AGBL4: variants seen among roughly 807,000 people sequenced by gnomAD.
AGBL4 encodes the protein cytosolic carboxypeptidase 6.
Under a neutral mutation model 66.4 loss-of-function variants are expected in AGBL4, and 58 were observed. The ratio of observed to expected loss-of-function variants is 0.87; its 90% CI spans 0.71 to 1.09. AGBL4 has a LOEUF of 1.09. Ranked by LOEUF, AGBL4 falls within the 50% of genes least tolerant of loss-of-function variation. AGBL4 has a pLI of 0.00. For synonymous variants in AGBL4, 234 were observed against 222.9 expected, an observed-to-expected ratio of 1.05 and a Z score of -0.44; for missense variants, 579 against 631.0, an observed-to-expected ratio of 0.92 and a Z score of 0.88.
At chr1:49,921,853 C>T (rs1652289886) in intron 1 of AGBL4, among the ~76,000 whole-genome samples, 1 of 152,164 alleles carries the variant, frequency 6.6e-6, no homozygotes, top group Admixed American at 6.5e-5. Context: ...TGCCCACCCA[C>T]AGTGAGGGTG....
At chr1:49,025,432 C>T (rs1455337576) in intron 5 of AGBL4, among the ~76,000 whole-genome samples, 1 of 152,090 alleles carries the variant, frequency 6.6e-6, no homozygotes, top group Non-Finnish European at 1.5e-5. Flanking sequence ...CAGGATGTTC[C>T]AGTGTATTTG....
chr1:49,221,492 A>C (rs1649493134), intron 4 of AGBL4, among the ~76,000 whole-genome samples: 1 of 152,156 alleles, frequency 6.6e-6, no homozygotes, highest in East Asian at 1.9e-4. Flanking sequence ...AAATTTCTTC[A>C]AAAGATAAAA....
chr1:48,963,275 A>G (rs1321962910), intron 5 of AGBL4, among the ~76,000 whole-genome samples: 1 of 151,984 alleles, frequency 6.6e-6, no homozygotes, highest in Non-Finnish European at 1.5e-5. Context: ...TAATCTGTGC[A>G]TAACCTAATC....
At chr1:48,958,096 G>C (rs1334289121) in intron 5 of AGBL4, among the ~76,000 whole-genome samples, 1 of 151,908 alleles carries the variant, frequency 6.6e-6, no homozygotes, top group Non-Finnish European at 1.5e-5. Context: ...CTGACCTCGT[G>C]ATCCGCCTGC....
At chr1:49,782,693 A>G (rs1644365007) in intron 2 of AGBL4, among the ~76,000 whole-genome samples, 1 of 152,178 alleles carries the variant, frequency 6.6e-6, no homozygotes, top group South Asian at 2.1e-4. Flanking sequence ...TGTGAAGTGA[A>G]TGGGTTAATG....
chr1:49,270,923 T>C (rs1644044488), intron 3 of AGBL4, among the ~76,000 whole-genome samples: 1 of 152,208 alleles, frequency 6.6e-6, no homozygotes, highest in Non-Finnish European at 1.5e-5. Context: ...TAAAATTCTC[T>C]TTACAAAATT....
intron 3 of AGBL4, among the ~76,000 whole-genome samples, chr1:49,303,032 A>G (rs1316116532): frequency 6.6e-6 from 1 of 152,098 alleles, no homozygotes; most frequent in African/African-American, 2.4e-5. Context: ...TCATGTATAT[A>G]TGTACCACAT....
chr1:49,831,681 C>G (rs1419970074), intron 2 of AGBL4, among the ~76,000 whole-genome samples: 1 of 152,136 alleles, frequency 6.6e-6, no homozygotes, highest in African/African-American at 2.4e-5. Flanking sequence ...GCATCCTTGT[C>G]CTGTACTGGT....
chr1:48,814,762 G>A (rs1324071033), intron 6 of AGBL4, among the ~76,000 whole-genome samples: 1 of 152,020 alleles, frequency 6.6e-6, no homozygotes, highest in Non-Finnish European at 1.5e-5. Context: ...TGATTGACTA[G>A]TATTCCATTG....
At chr1:49,448,277 A>C (rs1338480952) in intron 3 of AGBL4, among the ~76,000 whole-genome samples, 1 of 152,176 alleles carries the variant, frequency 6.6e-6, no homozygotes, top group Non-Finnish European at 1.5e-5. Context: ...CAAGGTCTCA[A>C]ATAATGCCCT....
chr1:49,592,621 C>T (rs1644773070), intron 3 of AGBL4, among the ~76,000 whole-genome samples: 2 of 152,002 alleles, frequency 1.3e-5, no homozygotes, highest in African/African-American at 4.8e-5. Context: ...TACATGTGAA[C>T]AAGCATATGG....
intron 3 of AGBL4, among the ~76,000 whole-genome samples, chr1:49,366,018 G>A (rs1644235002): frequency 6.6e-6 from 1 of 152,134 alleles, no homozygotes; most frequent in South Asian, 2.1e-4. Flanking sequence ...CAGATTTTAA[G>A]GATTCAAGGT....
intron 6 of AGBL4, among the ~76,000 whole-genome samples, chr1:48,725,258 G>A (rs1280801603): frequency 3.3e-5 from 5 of 151,848 alleles, no homozygotes; most frequent in African/African-American, 1.2e-4. Context: ...GATATTTTTC[G>A]AAAGTGACAT....
intron 1 of AGBL4, among the ~76,000 whole-genome samples, chr1:49,961,937 C>T (rs551377698): frequency 5.3e-4 from 80 of 152,190 alleles, no homozygotes; most frequent in Non-Finnish European, 9.4e-4. Flanking sequence ...ATGTAAATAA[C>T]TTTCTTCTCA....
intron 3 of AGBL4, among the ~76,000 whole-genome samples, chr1:49,354,769 A>G (rs780061006): frequency 1.4e-4 from 21 of 152,242 alleles, no homozygotes; most frequent in Non-Finnish European, 2.5e-4. Flanking sequence ...GCTTCTAAAT[A>G]ACGACTCAAA....
At chr1:49,678,130 A>G (rs1256731245) in intron 3 of AGBL4, among the ~76,000 whole-genome samples, 1 of 152,138 alleles carries the variant, frequency 6.6e-6, no homozygotes, top group African/African-American at 2.4e-5. Context: ...TACAAATTCA[A>G]TGTCCTTAAT....
At chr1:49,055,266 A>G (rs1255490071) in intron 4 of AGBL4, among the ~76,000 whole-genome samples, 3 of 151,992 alleles carry the variant, frequency 2.0e-5, no homozygotes, top group Non-Finnish European at 4.4e-5. Flanking sequence ...ACCTCATTTG[A>G]TAAATTTTGT....
intron 5 of AGBL4, among the ~76,000 whole-genome samples, chr1:49,025,951 A>C (rs370610972): frequency 6.6e-6 from 1 of 152,098 alleles, no homozygotes; most frequent in South Asian, 2.1e-4. Context: ...TTATTGAAGC[A>C]TTTTTTACAT....
chr1:49,393,640 G>A (rs1644895515), intron 3 of AGBL4, among the ~76,000 whole-genome samples: 1 of 152,132 alleles, frequency 6.6e-6, no homozygotes, highest in Admixed American at 6.6e-5. Context: ...AGCCCTGGTT[G>A]GCTTGAGGTA....
Sources: gnomAD v4.1 joint callset for allele counts (sites outside exome capture counted in the v4.1 genomes callset) on GRCh38, gnomAD v4.1.1 for gene constraint, MANE v1.5 for transcripts, NCBI Gene and HGNC (gene_info 2026-07-23, HGNC 2026-07-21) for gene names.